Variants in ACBD6 observed in about 807,000 individuals in gnomAD.
ACBD6 encodes the protein acyl-CoA-binding domain-containing protein 6.
Under a neutral mutation model 37.2 loss-of-function variants are expected in ACBD6, and 28 were observed. The ratio of observed to expected loss-of-function variants is 0.75; its 90% CI spans 0.56 to 1.03. ACBD6 has a LOEUF of 1.03. ACBD6 is among the 50% of genes least tolerant of loss of function. The pLI is 0.00. For missense variants in ACBD6, 340 were observed against 337.4 expected (o/e 1.01, Z -0.06); for synonymous variants, 113 against 126.8 (o/e 0.89, Z 0.73).
chr1:180,307,010 A>C (rs1650408109), intron 7 of ACBD6, among the ~76,000 whole-genome samples: 1 of 152,214 alleles, frequency 6.6e-6, no homozygotes, highest in Admixed American at 6.5e-5. Context: ...ATGGGTATAT[A>C]CCCAAAAGAA....
intron 3 of ACBD6, among the ~76,000 whole-genome samples, chr1:180,456,117 C>A (rs552248319): frequency 6.7e-6 from 1 of 149,614 alleles, no homozygotes; most frequent in Non-Finnish European, 1.5e-5. Context: ...GAGGCTGAGG[C>A]AGGGGAATCA....
At chr1:180,343,203 T>G (rs1458639340) in intron 6 of ACBD6, among the ~76,000 whole-genome samples, 2 of 152,044 alleles carry the variant, frequency 1.3e-5, no homozygotes, top group African/African-American at 2.4e-5. Flanking sequence ...TGCTTAAAAT[T>G]GAAGCTATGA....
intron 3 of ACBD6, among the ~76,000 whole-genome samples, chr1:180,476,954 C>T (rs557468381): frequency 6.6e-6 from 1 of 152,150 alleles, no homozygotes; most frequent in African/African-American, 2.4e-5. Flanking sequence ...AACCAGTTCC[C>T]CTCTGAAGCT....
At chr1:180,271,499 T>A in exon 14 of ACBD6, 1 of 1,614,070 alleles carries the variant, frequency 6.2e-7, no homozygotes, top group Non-Finnish European at 8.5e-7. Flanking sequence ...GGAGCAGCTG[T>A]CCTCAGAGAC....
At chr1:180,367,179 G>A (rs561956408) in intron 6 of ACBD6, among the ~76,000 whole-genome samples, 7 of 152,276 alleles carry the variant, frequency 4.6e-5, no homozygotes, top group Admixed American at 2.0e-4. Context: ...GACTTCCTTT[G>A]CATTGGCATT....
chr1:180,428,792 AAAAGG>A (rs1478478460), intron 4 of ACBD6, among the ~76,000 whole-genome samples: 1 of 152,218 alleles, frequency 6.6e-6, no homozygotes, highest in Non-Finnish European at 1.5e-5. Context: ...TAATTTTTTT[AAAAGG>A]AAAGTCAAGA....
At chr1:180,301,474 C>T (rs145366672) in intron 7 of ACBD6, among the ~76,000 whole-genome samples, 3 of 152,232 alleles carry the variant, frequency 2.0e-5, no homozygotes, top group East Asian at 3.9e-4. Context: ...AGATAAAATA[C>T]ATGTATAGTA....
intron 2 of ACBD6, among the ~76,000 whole-genome samples, chr1:180,494,607 G>A (rs760820583): frequency 3.3e-5 from 5 of 152,188 alleles, no homozygotes; most frequent in Admixed American, 6.5e-5. Context: ...AATGTATCCA[G>A]GGGACCAGAT....
intron 7 of ACBD6, among the ~76,000 whole-genome samples, chr1:180,306,549 A>G (rs950126075): frequency 6.6e-6 from 1 of 152,116 alleles, no homozygotes; most frequent in African/African-American, 2.4e-5. Context: ...GCCTTTATAT[A>G]AATGGAAACC....
intron 3 of ACBD6, among the ~76,000 whole-genome samples, chr1:180,442,578 G>A (rs1649323127): frequency 6.6e-6 from 1 of 151,768 alleles, no homozygotes; most frequent in East Asian, 1.9e-4. Flanking sequence ...CTCCTTTCTG[G>A]GTCTCCAATT....
intron 3 of ACBD6, among the ~76,000 whole-genome samples, chr1:180,488,128 A>G (rs1171258362): frequency 6.6e-6 from 1 of 152,154 alleles, no homozygotes; most frequent in Non-Finnish European, 1.5e-5. Context: ...TGTTACATAC[A>G]TGTGTGTCTA....
chr1:180,332,344 C>G (rs1337873125), intron 6 of ACBD6, among the ~76,000 whole-genome samples: 1 of 152,174 alleles, frequency 6.6e-6, no homozygotes, highest in African/African-American at 2.4e-5. Flanking sequence ...ACAGGGGTCC[C>G]CAATCCCTGT....
intron 3 of ACBD6, among the ~76,000 whole-genome samples, chr1:180,483,375 T>C (rs1157899231): frequency 6.6e-6 from 1 of 152,176 alleles, no homozygotes; most frequent in Non-Finnish European, 1.5e-5. Flanking sequence ...TCCACAGTGC[T>C]AATCACTTTC....
rs1349026619 is a variant in ACBD6 at position 180,389,451 on chromosome 1, G to T, written c.663+8065C>A. On this transcript the variant is annotated intron_variant, in intron 6 of 7. Transcript: ENST00000367595. ...AGTCTTTGCTATTGTGAATAGTGCT[G>T]CAATAAACATACGTGTGCATGTGTC... Among the ~76,000 whole-genome samples, 5 of 152,276 alleles carry T rather than the reference G, an allele frequency of 3.3e-5. No individual in the cohort carries two copies. In the East Asian group the frequency reaches 9.6e-4, roughly 29 times the overall value.
intron 6 of ACBD6, among the ~76,000 whole-genome samples, chr1:180,360,617 G>C (rs558139889): frequency 1.3e-5 from 2 of 152,206 alleles, no homozygotes; most frequent in African/African-American, 2.4e-5. Context: ...ACTGCCCTAT[G>C]CTAGTAAATT....
chr1:180,399,010 A>C (rs771309359), intron 5 of ACBD6, among the ~76,000 whole-genome samples: 1 of 152,200 alleles, frequency 6.6e-6, no homozygotes, highest in Non-Finnish European at 1.5e-5. Context: ...TCAAATAATT[A>C]AACTAGGATC....
chr1:180,476,460 T>C (rs911734715), intron 3 of ACBD6, among the ~76,000 whole-genome samples: 23 of 152,186 alleles, frequency 1.5e-4, no homozygotes, highest in African/African-American at 5.5e-4. Context: ...ACATATAGGC[T>C]AATACAATGC....
chr1:180,337,058 C>T (rs910728226), intron 6 of ACBD6, among the ~76,000 whole-genome samples: 1 of 152,100 alleles, frequency 6.6e-6, no homozygotes, highest in Non-Finnish European at 1.5e-5. Context: ...CATTCACAGC[C>T]GAATTCCACC....
At chr1:180,460,697 G>C (rs1388487811) in intron 3 of ACBD6, among the ~76,000 whole-genome samples, 1 of 152,126 alleles carries the variant, frequency 6.6e-6, no homozygotes, top group Non-Finnish European at 1.5e-5. Flanking sequence ...CAAAAAAGTG[G>C]CCAGACTCTT....
Sources: gnomAD v4.1 joint callset for allele counts (sites outside exome capture counted in the v4.1 genomes callset) on GRCh38, gnomAD v4.1.1 for gene constraint, MANE v1.5 for transcripts, NCBI Gene and HGNC (gene_info 2026-07-23, HGNC 2026-07-21) for gene names.